Variants in NFIA observed in about 807,000 individuals in gnomAD.
The protein encoded by NFIA is nuclear factor 1 A-type.
A neutral mutation model predicts 62.8 loss-of-function variants in NFIA; 8 were observed. The observed-to-expected ratio is 0.13, with a 90% CI of 0.07 to 0.23. The LOEUF (loss-of-function observed/expected upper bound fraction) is 0.23. Ranked by LOEUF, NFIA falls within the 10% of genes least tolerant of loss-of-function variation. The pLI is 1.00. For missense variants in NFIA, 410 were observed against 642.1 expected (o/e 0.64, Z 3.91); for synonymous variants, 235 against 238.1 (o/e 0.99, Z 0.12).
intron 2 of NFIA, among the ~76,000 whole-genome samples, chr1:61,120,917 A>G (rs2100469898): frequency 6.6e-6 from 1 of 152,358 alleles, no homozygotes; most frequent in East Asian, 1.9e-4. Context: ...TTTGCATTTT[A>G]TGATATCTAA....
chr1:61,460,605 G>A lies in NFIA; in HGVS notation c.*5285G>A, dbSNP rs943543768. 3 of 152,106 alleles carry A rather than the reference G, an allele frequency of 2.0e-5. No homozygotes were observed. The highest frequency in any genetic ancestry group is 4.8e-5 in the African/African-American group (2 of 41,414). The allele number at this position is 152,106 out of a possible 1,614,324, so 9.4% of individuals were successfully genotyped here. On this transcript the variant is annotated 3_prime_UTR_variant, in exon 11 of 11. Coordinates refer to ENST00000403491, the MANE Select transcript of NFIA (RefSeq NM_001134673.4). ...GTTTACTTCAATCCTTGCCTTTTTG[G>A]TCATTGTTATAATGCCAGCTTTAGG...
intron 4 of NFIA, among the ~76,000 whole-genome samples, chr1:61,348,665 A>T (rs55979009): frequency 6.6e-6 from 1 of 152,332 alleles, no homozygotes; most frequent in African/African-American, 2.4e-5. Context: ...TTTAAAAAAG[A>T]TAAGGCAAAA....
chr1:61,273,224 G>C (rs1015783122), intron 2 of NFIA, among the ~76,000 whole-genome samples: 2 of 152,150 alleles, frequency 1.3e-5, no homozygotes, highest in Non-Finnish European at 2.9e-5. Context: ...TCTAATCATT[G>C]TAATTTTTAA....
In NFIA at chr1:61,133,035, C is replaced by T. The variant is rs995673881; in HGVS notation, c.559+44355C>T. ...ATAAACTTTTTCCAAACAAGATGTC[C>T]ATGTGCATTCTTTAAGATCCTGTGT... On this transcript the variant is annotated intron_variant, in intron 2 of 10. Coordinates refer to ENST00000403491, the MANE Select transcript of NFIA (RefSeq NM_001134673.4). The T allele has an allele frequency of 5.3e-5, 8 of 152,132 alleles. No individual in the cohort carries two copies. In the East Asian group the frequency reaches 1.5e-3, roughly 29 times the overall value. 9.4% of individuals were successfully genotyped at this position (152,132 alleles called of 1,614,324 possible). A position where few individuals can be genotyped will look rare whatever the true frequency, so the allele number is the denominator to read the frequency against.
intron 2 of NFIA, among the ~76,000 whole-genome samples, chr1:61,218,998 G>A (rs915585379): frequency 1.3e-5 from 2 of 152,158 alleles, no homozygotes; most frequent in Non-Finnish European, 2.9e-5. Context: ...TTGGGAGGCC[G>A]AGGCGGGCAT....
chr1:61,356,721 A>G (rs573474429), intron 5 of NFIA, among the ~76,000 whole-genome samples: 57 of 152,340 alleles, frequency 3.7e-4, no homozygotes, highest in African/African-American at 1.2e-3. Flanking sequence ...AACATTAAAT[A>G]AGCATTAAAG....
chr1:61,200,037 TATATATATATA>T (rs1266125059), intron 2 of NFIA, among the ~76,000 whole-genome samples: 2 of 45,186 alleles, frequency 4.4e-5, no homozygotes, highest in African/African-American at 2.5e-4. Context: ...TATATATATA[TATATATATATA>T]TATATATATA....
chr1:61,401,410 A>C (rs759780304), intron 7 of NFIA, among the ~76,000 whole-genome samples: 9 of 152,204 alleles, frequency 5.9e-5, no homozygotes, highest in Non-Finnish European at 1.5e-5. Context: ...GTTGCTAATG[A>C]TTGTCTTTTA....
chr1:61,362,752 A>G (rs1192128528), intron 6 of NFIA, among the ~76,000 whole-genome samples: 1 of 152,218 alleles, frequency 6.6e-6, no homozygotes, highest in Non-Finnish European at 1.5e-5. Context: ...TTCTCTTACA[A>G]TGCTGCATTT....
chr1:61,268,013 C>G (rs1399309634), intron 2 of NFIA, among the ~76,000 whole-genome samples: 1 of 152,158 alleles, frequency 6.6e-6, no homozygotes, highest in East Asian at 1.9e-4. Flanking sequence ...ATCATTTCCC[C>G]TTTGGGTAGG....
intron 3 of NFIA, among the ~76,000 whole-genome samples, chr1:61,286,922 T>C (rs528111874): frequency 1.3e-5 from 2 of 152,316 alleles, no homozygotes; most frequent in South Asian, 4.1e-4. Flanking sequence ...ACATTAAATA[T>C]AACAGCCCTG....
intron 3 of NFIA, among the ~76,000 whole-genome samples, chr1:61,308,319 CAA>C (rs1462364545): frequency 1.3e-5 from 2 of 151,952 alleles, no homozygotes; most frequent in Non-Finnish European, 2.9e-5. Context: ...TTTTAGTGCA[CAA>C]GTCAAGGAGT....
chr1:61,366,314 T>C (rs1018897839), intron 6 of NFIA, among the ~76,000 whole-genome samples: 4 of 152,086 alleles, frequency 2.6e-5, no homozygotes, highest in Non-Finnish European at 5.9e-5. Flanking sequence ...ATTTTTTTAT[T>C]GTAAAAAAAA....
At chr1:61,323,744 G>A (rs954107635) in intron 3 of NFIA, among the ~76,000 whole-genome samples, 2 of 152,128 alleles carry the variant, frequency 1.3e-5, no homozygotes, top group Non-Finnish European at 2.9e-5. Context: ...CACTGTAGGT[G>A]AGCTAACAAA....
intron 2 of NFIA, among the ~76,000 whole-genome samples, chr1:61,246,257 C>G (rs1655644051): frequency 6.6e-6 from 1 of 152,120 alleles, no homozygotes; most frequent in Non-Finnish European, 1.5e-5. Flanking sequence ...TTTCCAGGAT[C>G]TCTCGGAAAG....
At chr1:61,269,398 G>T (rs1657377129) in intron 2 of NFIA, among the ~76,000 whole-genome samples, 1 of 152,134 alleles carries the variant, frequency 6.6e-6, no homozygotes, top group African/African-American at 2.4e-5. Context: ...AGTCTAATTT[G>T]CTTGATGCAA....
intron 3 of NFIA, among the ~76,000 whole-genome samples, chr1:61,302,473 G>C (rs1469334747): frequency 6.6e-6 from 1 of 152,138 alleles, no homozygotes; most frequent in African/African-American, 2.4e-5. Flanking sequence ...TAGTTTCTAA[G>C]AATCTCAGTT....
chr1:61,212,867 A>G (rs1255677184), intron 2 of NFIA, among the ~76,000 whole-genome samples: 4 of 152,184 alleles, frequency 2.6e-5, no homozygotes, highest in Admixed American at 1.3e-4. Flanking sequence ...CTTATTTTCA[A>G]TTTGGCAGCT....
At chr1:61,283,731 T>C (rs1244339405) in intron 3 of NFIA, among the ~76,000 whole-genome samples, 4 of 152,090 alleles carry the variant, frequency 2.6e-5, no homozygotes, top group African/African-American at 7.2e-5. Context: ...TTGTGGGCCT[T>C]CTTGTTTAAT....
Sources: allele counts gnomAD v4.1 joint callset (sites outside exome capture counted in the v4.1 genomes callset), GRCh38; gene constraint gnomAD v4.1.1; transcripts MANE v1.5; gene names NCBI Gene and HGNC (gene_info 2026-07-23, HGNC 2026-07-21).